The following PLEKHA8 variants were observed in gnomAD, a reference collection of about 807,000 sequenced individuals.
PLEKHA8 encodes the protein pleckstrin homology domain containing A8, also known as pleckstrin homology domain-containing family A member 8.
In PLEKHA8, 36 loss-of-function variants were observed where a neutral mutation model predicts 68.2. The ratio of observed to expected loss-of-function variants is 0.53; its 90% confidence interval spans 0.40 to 0.70. The LOEUF is 0.70. Among genes scored for constraint, PLEKHA8 ranks in the 30% least tolerant of loss-of-function variants. PLEKHA8 has a pLI of 0.00. For missense variants in PLEKHA8, 505 were observed against 615.4 expected, an observed-to-expected ratio of 0.82 and a Z score of 1.90; for synonymous variants, 211 against 216.1, an observed-to-expected ratio of 0.98 and a Z score of 0.20.
At chr7:30,085,404 C>T (rs1795144691), downstream of PLEKHA8, among the ~76,000 whole-genome samples, 1 of 152,156 alleles carries the variant, frequency 6.6e-6, no homozygotes, top group Admixed American at 6.6e-5. Context: ...ATTCTGTTTT[C>T]AGAGACACTA....
chr7:30,050,314 T>C, intron 5 of PLEKHA8, 120 bp from the exon 6 acceptor site: 1 of 1,310,880 alleles, frequency 7.6e-7, no homozygotes, highest in Non-Finnish European at 1.0e-6. Context: ...TTTTGTTTAG[T>C]GGGGCTAGTG....
chr7:30,097,185 C>T lies in PLEKHA8; in HGVS notation c.1362+23053C>T, dbSNP rs551184783. Among the ~76,000 whole-genome samples, 9 of 152,330 alleles carry T rather than the reference C, an allele frequency of 5.9e-5. No homozygotes were observed. The South Asian group carries it at 1.9e-3, about 32-fold the overall frequency. On this transcript the variant is annotated intron_variant, in intron 13 of 13. Transcript: ENST00000396257. Reference sequence around the variant, plus strand: ...TCTCTTCTGGCTTGTAGAGTTACTGCCGAGAGATCAGCTGTTAGTCTGATG... The same window carrying T: ...TCTCTTCTGGCTTGTAGAGTTACTGTCGAGAGATCAGCTGTTAGTCTGATG...
chr7:30,078,883 C>A lies in PLEKHA8; in HGVS notation c.*96C>A. ...CAGCAACAGCCTCAACCCTCTCCAA[C>A]CCCTTCACCTGGGGGGATGGACAGG... On this transcript the variant is annotated 3_prime_UTR_variant, in exon 14 of 14. Coordinates refer to ENST00000449726, the MANE Select transcript of PLEKHA8 (RefSeq NM_001197026.2). 1 of 1,477,980 alleles carries A rather than the reference C, an allele frequency of 6.8e-7. No individual in the cohort carries two copies. The highest frequency in any genetic ancestry group is 2.4e-5 in the East Asian group (1 of 41,548). 91.6% of individuals were successfully genotyped at this position (1,477,980 alleles called of 1,614,324 possible). A position where few individuals can be genotyped will look rare whatever the true frequency, so the allele number is the denominator to read the frequency against.
At chr7:30,045,263 A>C in intron 2 of PLEKHA8, 62 bp downstream of exon 2, 7 of 1,287,974 alleles carry the variant, frequency 5.4e-6, no homozygotes, top group Non-Finnish European at 7.7e-6. Context: ...AAAACAAAAA[A>C]GCCCCTGGCC....
intron 13 of PLEKHA8, among the ~76,000 whole-genome samples, chr7:30,126,069 T>C (rs2128026086): frequency 1.3e-5 from 2 of 152,092 alleles, no homozygotes; most frequent in Middle Eastern, 3.4e-3. Flanking sequence ...ACTCTAAGTC[T>C]CTGTCATCTA....
chr7:30,045,312 A>G (rs1405554858), intron 2 of PLEKHA8, 111 bp downstream of exon 2: 1 of 756,394 alleles, frequency 1.3e-6, no homozygotes, highest in African/African-American at 1.8e-5. Context: ...AATACAGACC[A>G]AGGGACATAG....
downstream of PLEKHA8, among the ~76,000 whole-genome samples, chr7:30,085,318 C>A (rs1447769815): frequency 6.6e-6 from 1 of 152,082 alleles, no homozygotes. Flanking sequence ...TCTGGAATGG[C>A]CTTGCCCTGG....
At chr7:30,056,412 T>TA (rs1296604064) in intron 9 of PLEKHA8, among the ~76,000 whole-genome samples, 4 of 142,472 alleles carry the variant, frequency 2.8e-5, no homozygotes, top group African/African-American at 7.7e-5. Flanking sequence ...ATATATAACA[T>TA]ACATATATAT....
chr7:30,063,752 A>C (rs1793624902), intron 12 of PLEKHA8, among the ~76,000 whole-genome samples: 1 of 152,190 alleles, frequency 6.6e-6, no homozygotes, highest in Non-Finnish European at 1.5e-5. Flanking sequence ...TCATAAACTT[A>C]ATCCTCATTT....
intron 4 of PLEKHA8, among the ~76,000 whole-genome samples, chr7:30,048,838 G>A (rs1792170959): frequency 6.6e-6 from 1 of 151,924 alleles, no homozygotes; most frequent in Non-Finnish European, 1.5e-5. Flanking sequence ...GATAGACTGT[G>A]AGGGGAGGGG....
At chr7:30,048,152 G>C (rs1370673048) in intron 4 of PLEKHA8, among the ~76,000 whole-genome samples, 196 bp downstream of exon 4, 2 of 151,894 alleles carry the variant, frequency 1.3e-5, no homozygotes, top group Non-Finnish European at 2.9e-5. Context: ...ATTTTATAGA[G>C]GAAAAAAGTA....
rs6960120 is a variant in PLEKHA8 at position 30,045,213 on chromosome 7, A to T, written c.157+12A>T. The T allele has an allele frequency of 7.4e-5, 115 of 1,562,120 alleles. 1 individual carries two copies. In the African/African-American group the frequency reaches 1.3e-3, roughly 18 times the overall value. Reference sequence around the variant, plus strand: ...CTGTGAAATTCAAGGTGAGAAATCAAGCAACTTGCAAGTTTTATTTTTCTT... The same window carrying T: ...CTGTGAAATTCAAGGTGAGAAATCATGCAACTTGCAAGTTTTATTTTTCTT... On this transcript the variant is annotated intron_variant, in intron 2 of 13. Transcript: ENST00000449726.
chr7:30,104,374 C>T (rs988629697), intron 13 of PLEKHA8, among the ~76,000 whole-genome samples: 3 of 152,112 alleles, frequency 2.0e-5, no homozygotes, highest in African/African-American at 7.2e-5. Context: ...CCCATCTTCT[C>T]CTAGAAGATA....
intron 9 of PLEKHA8, among the ~76,000 whole-genome samples, chr7:30,056,742 AGTGTGTGTGTGTGTGTGT>A (rs70980590): frequency 1.2e-3 from 90 of 74,780 alleles, no homozygotes; most frequent in African/African-American, 4.5e-3. Context: ...AAAAAAAAAA[AGTGTGTGTGTGTGTGTGT>A]GTGTGTGTGT....
chr7:30,045,010 G>A (rs1266650092), intron 1 of PLEKHA8, 75 bp from the exon 2 acceptor site: 4 of 992,152 alleles, frequency 4.0e-6, no homozygotes, highest in Non-Finnish European at 4.6e-6. Context: ...CCTATGTTAG[G>A]CTCTATTTCT....
intron 4 of PLEKHA8, 152 bp downstream of exon 4, chr7:30,048,108 C>G (rs930005893): frequency 2.6e-6 from 1 of 390,232 alleles, no homozygotes; most frequent in African/African-American, 2.1e-5. Context: ...GGTGTTTACT[C>G]TCATCTAATT....
intron 12 of PLEKHA8, among the ~76,000 whole-genome samples, chr7:30,073,673 A>G (rs553405622): frequency 4.6e-5 from 7 of 152,088 alleles, no homozygotes; most frequent in African/African-American, 1.7e-4. Flanking sequence ...CCAAATACCA[A>G]TAGTATCGTG....
At chr7:30,109,804 T>A (rs2128016725) in intron 13 of PLEKHA8, among the ~76,000 whole-genome samples, 1 of 151,752 alleles carries the variant, frequency 6.6e-6, no homozygotes, top group South Asian at 2.1e-4. Context: ...TCCAAGTAGC[T>A]GGGACCACAG....
chr7:30,092,268 C>T (rs753082286), downstream of PLEKHA8, among the ~76,000 whole-genome samples: 4 of 152,062 alleles, frequency 2.6e-5, no homozygotes, highest in Admixed American at 6.5e-5. Flanking sequence ...TAATAATAGT[C>T]GTTGTTATTG....
Sources: allele counts gnomAD v4.1 joint callset (sites outside exome capture counted in the v4.1 genomes callset), GRCh38; gene constraint gnomAD v4.1.1; transcripts MANE v1.5; gene names NCBI Gene and HGNC (gene_info 2026-07-23, HGNC 2026-07-21).